AKAP19: variants seen among roughly 807,000 people sequenced by gnomAD.
AKAP19 encodes small A-kinase anchoring protein.
chr2:189,956,029 T>C, the AKAP19 span, among the ~76,000 whole-genome samples: 2 of 152,156 alleles, frequency 1.3e-5, no homozygotes, highest in African/African-American at 4.8e-5. Context: ...TAAGAACAGA[T>C]ATTCGCATAT....
At chr2:190,149,222 C>T in the AKAP19 span, among the ~76,000 whole-genome samples, 1 of 152,186 alleles carries the variant, frequency 6.6e-6, no homozygotes, top group East Asian at 1.9e-4. Flanking sequence ...CTCAGCCTCC[C>T]AAAGTGCTGG....
At chr2:190,049,976 G>T in the AKAP19 span, among the ~76,000 whole-genome samples, 3 of 152,076 alleles carry the variant, frequency 2.0e-5, no homozygotes, top group African/African-American at 4.8e-5. Flanking sequence ...TTGCATTTTG[G>T]GGGGAGGATA....
chr2:190,065,251 G>T, the AKAP19 span, among the ~76,000 whole-genome samples: 1 of 152,064 alleles, frequency 6.6e-6, no homozygotes, highest in East Asian at 1.9e-4. Flanking sequence ...TCACAGGAAA[G>T]CTGCAATGGA....
At chr2:190,133,954 C>T in the AKAP19 span, among the ~76,000 whole-genome samples, 2 of 152,150 alleles carry the variant, frequency 1.3e-5, no homozygotes, top group Non-Finnish European at 2.9e-5. Context: ...ATGTATTATA[C>T]ACTTGAAATT....
the AKAP19 span, among the ~76,000 whole-genome samples, chr2:189,969,131 A>T: frequency 6.6e-6 from 1 of 152,098 alleles, no homozygotes; most frequent in Non-Finnish European, 1.5e-5. Flanking sequence ...TCCAACTATG[A>T]TCTAAGTGTT....
the AKAP19 span, among the ~76,000 whole-genome samples, chr2:190,165,463 A>T: frequency 4.3e-3 from 661 of 152,276 alleles, 2 homozygotes; most frequent in Middle Eastern, 0.017. Context: ...AAAACAAAAC[A>T]AAAACTAAAA....
chr2:190,053,481 C>CCAAA, the AKAP19 span, among the ~76,000 whole-genome samples: 3 of 152,100 alleles, frequency 2.0e-5, no homozygotes, highest in Non-Finnish European at 2.9e-5. Context: ...GCCATCGAGG[C>CCAAA]ATGAATGGTA....
At chr2:190,083,337 C>T in the AKAP19 span, among the ~76,000 whole-genome samples, 1 of 144,224 alleles carries the variant, frequency 6.9e-6, no homozygotes, top group East Asian at 2.0e-4. Context: ...GATCGTGCTA[C>T]TCTCCAAGCT....
the AKAP19 span, among the ~76,000 whole-genome samples, chr2:189,991,964 C>A: frequency 6.6e-6 from 1 of 151,964 alleles, no homozygotes; most frequent in Non-Finnish European, 1.5e-5. Context: ...GTCCTTTGCC[C>A]AGTTTATATT....
the AKAP19 span, chr2:190,056,937 T>C: frequency 3.5e-6 from 1 of 287,810 alleles, no homozygotes; most frequent in South Asian, 5.0e-5. Flanking sequence ...TAAAGCATAC[T>C]CCTTTAATTC....
chr2:190,013,119 G>A, the AKAP19 span, among the ~76,000 whole-genome samples: 1 of 152,042 alleles, frequency 6.6e-6, no homozygotes, highest in Non-Finnish European at 1.5e-5. Context: ...TTGTAATGCT[G>A]GGCTCAAAAA....
the AKAP19 span, among the ~76,000 whole-genome samples, chr2:190,081,201 C>A: frequency 6.6e-6 from 1 of 151,590 alleles, no homozygotes; most frequent in Non-Finnish European, 1.5e-5. Context: ...AACCCCCATC[C>A]CCCCATCCTC....
the AKAP19 span, among the ~76,000 whole-genome samples, chr2:190,192,452 CTGTGTGTGTGTGTGTGTGTGTGTG>C: frequency 1.5e-4 from 22 of 145,358 alleles, no homozygotes; most frequent in South Asian, 2.0e-3. Flanking sequence ...AATTCAGAAT[CTGTGTGTGTGTGTGTGTGTGTGTG>C]TGTGTGTGTG....
chr2:190,195,608 G>C, the AKAP19 span, among the ~76,000 whole-genome samples: 1 of 152,122 alleles, frequency 6.6e-6, no homozygotes, highest in South Asian at 2.1e-4. Context: ...CAATTAGCTT[G>C]TTCATATTTG....
chr2:189,990,824 C>T, the AKAP19 span, among the ~76,000 whole-genome samples: 1 of 152,148 alleles, frequency 6.6e-6, no homozygotes, highest in Admixed American at 6.6e-5. Context: ...GCAGTGTACA[C>T]TATACTCAAT....
the AKAP19 span, among the ~76,000 whole-genome samples, chr2:189,935,971 GACAGA>G: frequency 3.3e-5 from 5 of 152,134 alleles, no homozygotes; most frequent in East Asian, 9.6e-4. Context: ...TTTTACAGAA[GACAGA>G]ACAGTTTTTG....
the AKAP19 span, among the ~76,000 whole-genome samples, chr2:190,050,786 T>C: frequency 1.3e-5 from 2 of 152,190 alleles, no homozygotes; most frequent in East Asian, 1.9e-4. Flanking sequence ...AGACAATTTG[T>C]TGGGAAGAGA....
At chr2:190,155,370 C>T in the AKAP19 span, among the ~76,000 whole-genome samples, 3 of 151,764 alleles carry the variant, frequency 2.0e-5, no homozygotes, top group Admixed American at 6.6e-5. Context: ...GGAGCCTCTC[C>T]ACAGGAAGAA....
the AKAP19 span, among the ~76,000 whole-genome samples, chr2:189,986,417 A>G: frequency 1.4e-5 from 2 of 147,146 alleles, no homozygotes; most frequent in African/African-American, 4.9e-5. Flanking sequence ...AAAAAGAAAA[A>G]CAAAAAAAAA....
Sources: gnomAD v4.1 joint callset for allele counts (sites outside exome capture counted in the v4.1 genomes callset) on GRCh38, gnomAD v4.1.1 for gene constraint, MANE v1.5 for transcripts, NCBI Gene and HGNC (gene_info 2026-07-23, HGNC 2026-07-21) for gene names.